Variants in LRIG3 observed in about 807,000 individuals in gnomAD.
LRIG3 encodes leucine-rich repeats and immunoglobulin-like domains protein 3.
LRIG3 carries 76 observed loss-of-function variants against 114.5 expected under a neutral mutation model. The ratio of observed to expected loss-of-function variants is 0.66; its 90% confidence interval spans 0.55 to 0.80. LRIG3 has a LOEUF of 0.80. Among genes scored for constraint, LRIG3 ranks in the 30% least tolerant of loss-of-function variants. LRIG3 has a pLI of 0.00. For missense variants in LRIG3, 1,239 were observed against 1,382.8 expected, an observed-to-expected ratio of 0.90 and a Z score of 1.65; for synonymous variants, 512 against 519.8, an observed-to-expected ratio of 0.98 and a Z score of 0.20.
At chr12:58,907,331 T>G (rs1357098353) in intron 3 of LRIG3, among the ~76,000 whole-genome samples, 1 of 152,170 alleles carries the variant, frequency 6.6e-6, no homozygotes, top group East Asian at 1.9e-4. Flanking sequence ...CTACAAATAT[T>G]GTTGTTATTT....
chr12:58,905,763 T>C (rs1244012388), intron 3 of LRIG3, among the ~76,000 whole-genome samples: 1 of 152,154 alleles, frequency 6.6e-6, no homozygotes, highest in African/African-American at 2.4e-5. Flanking sequence ...CAGGCCCCCT[T>C]GACACAAGAT....
chr12:58,899,066 T>C (rs1460649388), intron 3 of LRIG3, among the ~76,000 whole-genome samples: 1 of 152,224 alleles, frequency 6.6e-6, no homozygotes, highest in African/African-American at 2.4e-5. Flanking sequence ...ACATCAGGAT[T>C]GGTGGGCAGG....
intron 5 of LRIG3, 92 bp from the exon 6 acceptor site, chr12:58,889,054 G>C: frequency 8.1e-7 from 1 of 1,227,388 alleles, no homozygotes; most frequent in Non-Finnish European, 1.1e-6. Flanking sequence ...AGTTCAACCA[G>C]TCAGTGTTCA....
chr12:58,919,602 C>T (rs1872598521), intron 1 of LRIG3: 1 of 1,515,304 alleles, frequency 6.6e-7, no homozygotes, highest in Non-Finnish European at 8.8e-7. Flanking sequence ...CTGAACCAGA[C>T]TCATAACTCA....
At chr12:58,918,589 C>T (rs764288056) in intron 1 of LRIG3, among the ~76,000 whole-genome samples, 3 of 152,178 alleles carry the variant, frequency 2.0e-5, no homozygotes, top group Non-Finnish European at 4.4e-5. Context: ...CTCTATTATT[C>T]CTAAGTGTTC....
chr12:58,884,124 T>C (rs150669961), intron 10 of LRIG3, among the ~76,000 whole-genome samples: 43 of 152,310 alleles, frequency 2.8e-4, no homozygotes, highest in African/African-American at 9.9e-4. Context: ...TTATTTTCAA[T>C]TCCAAAACCT....
At chr12:58,917,744 C>T (rs916576804) in intron 1 of LRIG3, among the ~76,000 whole-genome samples, 5 of 152,114 alleles carry the variant, frequency 3.3e-5, no homozygotes, top group African/African-American at 4.8e-5. Flanking sequence ...TTTCATAAGC[C>T]AGTCCAAAGA....
chr12:58,888,349 G>C lies in LRIG3; in HGVS notation c.927C>G (p.Phe309Leu). ...INRISPDAWE[F>L]CQKLSELDLT... Reference sequence around the variant, plus strand: ...CTCACAGCTCACTGAGCTTCTGGCAGAACTCCCAGGCATCAGGGCTGATCC... The same window carrying C: ...CTCACAGCTCACTGAGCTTCTGGCACAACTCCCAGGCATCAGGGCTGATCC... The change falls in exon 7 of 19, where the codon TTC becomes TTG. Residue 309 changes from phenylalanine to leucine, a missense_variant. Physicochemically the swap from Phe to Leu is conservative, Grantham distance 22. Coordinates refer to ENST00000320743, the MANE Select transcript of LRIG3 (RefSeq NM_153377.5). 6.2e-7 allele frequency: 1 copy of C among 1,613,302 alleles called. No homozygotes were observed.
At chr12:58,903,048 T>A (rs1467960537) in intron 3 of LRIG3, among the ~76,000 whole-genome samples, 1 of 152,172 alleles carries the variant, frequency 6.6e-6, no homozygotes, top group Admixed American at 6.5e-5. Context: ...CATGTGTCTT[T>A]ATAGCAGCAT....
chr12:58,887,394 G>A (rs1871310893), intron 8 of LRIG3, among the ~76,000 whole-genome samples: 1 of 152,190 alleles, frequency 6.6e-6, no homozygotes, highest in Admixed American at 6.5e-5. Flanking sequence ...TTAGGACAGA[G>A]ATCAGGTTGA....
intron 16 of LRIG3, among the ~76,000 whole-genome samples, chr12:58,875,777 C>T (rs916897019): frequency 2.0e-5 from 3 of 152,226 alleles, no homozygotes; most frequent in Non-Finnish European, 4.4e-5. Context: ...CGGTGGCTCA[C>T]GCCTGTAATC....
At chr12:58,915,976 G>A (rs1351343583) in intron 1 of LRIG3, among the ~76,000 whole-genome samples, 1 of 152,152 alleles carries the variant, frequency 6.6e-6, no homozygotes, top group East Asian at 1.9e-4. Flanking sequence ...TTGAGCCAGC[G>A]TAAAACTGCA....
In LRIG3 at chr12:58,882,879, G is replaced by A; in HGVS notation, c.1470C>T (p.Gly490=). Residue 490 remains glycine, a synonymous_variant, in exon 12 of 19, where the codon GGC becomes GGT. Transcript: ENST00000320743. ...GRSIFAVSPD[G]FVCDDFPKPQ... ...AATACTTATACTCACCACACACAAA[G>A]CCATCTGGGCTAACAGCAAAAATGC... 6.2e-7 allele frequency: 1 copy of A among 1,613,284 alleles called. No individual in the cohort carries two copies. Among genetic ancestry groups the A allele is most frequent in the Non-Finnish European group, 8.5e-7 (1 of 1,179,646 alleles).
intron 3 of LRIG3, among the ~76,000 whole-genome samples, chr12:58,906,155 ACT>A (rs1872056325): frequency 6.6e-6 from 1 of 151,972 alleles, no homozygotes; most frequent in African/African-American, 2.4e-5. Flanking sequence ...TAAAAACAAA[ACT>A]CTCCAATTTC....
rs779698653 is a variant in LRIG3, at chr12:58,880,769, T to C, written c.1613A>G (p.Asn538Ser). Residue 538 changes from asparagine to serine, a missense_variant, in exon 13 of 19, where the codon AAT becomes AGT. By Grantham distance (46) the Asn-to-Ser change is conservative. Transcript: ENST00000320743. The part of the protein sequence containing the change: ...SPMTFAWKKD[N>S]ELLHDAEMEN... Reference sequence around the variant, plus strand: ...CATTTCAGCATCATGCAGTAGTTCATTGTCTTTTTTCCAAGCAAAAGTCAT... The same window carrying C: ...CATTTCAGCATCATGCAGTAGTTCACTGTCTTTTTTCCAAGCAAAAGTCAT... The C allele has an allele frequency of 9.3e-6, 15 of 1,614,212 alleles. No individual in the cohort carries two copies. The highest frequency in any genetic ancestry group is 2.7e-5 in the African/African-American group (2 of 75,050).
intron 3 of LRIG3, among the ~76,000 whole-genome samples, chr12:58,908,483 T>C (rs1249879983): frequency 6.6e-6 from 1 of 152,216 alleles, no homozygotes; most frequent in Non-Finnish European, 1.5e-5. Flanking sequence ...TAGAAAGGCA[T>C]ATGGGAAAGG....
At chr12:58,903,163 T>G (rs1028496118) in intron 3 of LRIG3, among the ~76,000 whole-genome samples, 1 of 152,152 alleles carries the variant, frequency 6.6e-6, no homozygotes, top group African/African-American at 2.4e-5. Flanking sequence ...TCCACTAGAG[T>G]TGAACTAGTT....
At chr12:58,887,982 C>G in intron 7 of LRIG3, 50 bp from the exon 8 acceptor site, 1 of 1,554,550 alleles carries the variant, frequency 6.4e-7, no homozygotes. Flanking sequence ...CAATTCAACA[C>G]AATGATTTGT....
intron 2 of LRIG3, 91 bp downstream of exon 2, chr12:58,914,174 C>A: frequency 6.6e-7 from 1 of 1,509,406 alleles, no homozygotes; most frequent in Non-Finnish European, 9.1e-7. Flanking sequence ...TTTTGAATAA[C>A]TCACTATAAT....
Sources: allele counts gnomAD v4.1 joint callset (sites outside exome capture counted in the v4.1 genomes callset), GRCh38; gene constraint gnomAD v4.1.1; transcripts MANE v1.5; gene names NCBI Gene and HGNC (gene_info 2026-07-23, HGNC 2026-07-21).